The following NR1H3 variants were observed in gnomAD, a reference collection of about 807,000 sequenced individuals.
The protein encoded by NR1H3 is nuclear receptor subfamily 1 group H member 3, also known as oxysterols receptor LXR-alpha.
A neutral mutation model predicts 48.1 loss-of-function variants in NR1H3; 19 were observed. The observed-to-expected ratio is 0.40, with a 90% confidence interval of 0.28 to 0.58. NR1H3 has a LOEUF of 0.58. Among genes scored for constraint, NR1H3 ranks in the 20% least tolerant of loss-of-function variants. NR1H3 has a pLI of 0.50. For synonymous variants in NR1H3, 232 were observed against 227.3 expected, an observed-to-expected ratio of 1.02 and a Z score of -0.19; for missense variants, 486 against 595.9, an observed-to-expected ratio of 0.82 and a Z score of 1.92.
chr11:47,248,445 T>C, upstream of NR1H3: 1 of 1,543,408 alleles, frequency 6.5e-7, no homozygotes, highest in Non-Finnish European at 8.7e-7. Context: ...GGGATGAGTC[T>C]TAACCATTCA....
intron 1 of NR1H3, among the ~76,000 whole-genome samples, chr11:47,251,107 G>A (rs972909048): frequency 6.6e-5 from 10 of 152,162 alleles, no homozygotes; most frequent in Admixed American, 5.2e-4. Context: ...TGCAGTGAGC[G>A]GAGATCGTGC....
At position 47,249,564 on chromosome 11, in the gene NR1H3, T is replaced by TGGGGA. The variant is rs1419724449; in HGVS notation, c.-93+568_-93+572dup. Among the ~76,000 whole-genome samples the TGGGGA allele has an allele frequency of 2.6e-5, 4 of 152,094 alleles. No individual in the cohort carries two copies. In the East Asian group the frequency reaches 7.7e-4, roughly 29 times the overall value. On this transcript the variant is annotated intron_variant, in intron 1 of 8. Transcript: ENST00000395397. ...CCCTGGGGGAGGAATTTCAGACCAGTGGGGAGGTATTTTGAGGTAAGGGAC... is the reference window on the plus strand; with the variant it reads ...CCCTGGGGGAGGAATTTCAGACCAGTGGGGAGGGGAGGTATTTTGAGGTAAGGGAC...
At position 47,268,895 on chromosome 11, in the gene NR1H3, G is replaced by T. The variant is rs1957795310; in HGVS notation, c.*199G>T. ...GTGGAGCCCTCGCTAACACTGTGCT[G>T]TGTCTGAAGATCATGCTGACCCCAC... On this transcript the variant is annotated 3_prime_UTR_variant, in exon 10 of 10. Transcript: ENST00000441012. The T allele has an allele frequency of 4.7e-6, 3 of 633,304 alleles. No homozygotes were observed. Among genetic ancestry groups the T allele is most frequent in the Non-Finnish European group, 8.0e-6 (3 of 374,626 alleles). The allele number at this position is 633,304 out of a possible 1,614,324, so 39.2% of individuals were successfully genotyped here. A position where few individuals can be genotyped will look rare whatever the true frequency, so the allele number is the denominator to read the frequency against.
At chr11:47,255,569 C>A (rs1565178334), upstream of NR1H3, among the ~76,000 whole-genome samples, 2 of 87,988 alleles carry the variant, frequency 2.3e-5, no homozygotes, top group Non-Finnish European at 4.1e-5. Context: ...TTCTTTCTTT[C>A]TTTCTTTCTT....
In NR1H3 at chr11:47,262,994, C is replaced by G. The variant is rs148262329; in HGVS notation, c.988+976C>G. Among the ~76,000 whole-genome samples, 251 of 152,254 alleles carry G rather than the reference C, an allele frequency of 1.6e-3. 2 individuals are homozygous for G. Among genetic ancestry groups the G allele is most frequent in the African/African-American group, 5.9e-3 (247 of 41,550 alleles). ...TTGCTTTAGGTCAGTGGTTTTCAAA[C>G]TGTATTCCAAGGAACCTGAGAGATA... On this transcript the variant is annotated intron_variant, in intron 7 of 9. Transcript: ENST00000441012.
At chr11:47,259,464 A>C in intron 2 of NR1H3, 1 of 1,550,262 alleles carries the variant, frequency 6.5e-7, no homozygotes, top group Non-Finnish European at 8.7e-7. Context: ...AGTCCTCCCC[A>C]GTCTGGATTT....
chr11:47,260,248 T>A, intron 3 of NR1H3, 161 bp from the exon 4 acceptor site: 1 of 1,000,428 alleles, frequency 1.0e-6, no homozygotes, highest in Non-Finnish European at 1.5e-6. Context: ...TAGAACATAA[T>A]GGCACTTGGC....
At chr11:47,266,711 G>A (rs1021800377) in intron 7 of NR1H3, among the ~76,000 whole-genome samples, 1 of 150,076 alleles carries the variant, frequency 6.7e-6, no homozygotes. Context: ...GCGTGATCTC[G>A]GCTTACTGCA....
chr11:47,257,345 A>G (rs956857981), upstream of NR1H3, among the ~76,000 whole-genome samples: 1 of 151,332 alleles, frequency 6.6e-6, no homozygotes, highest in Non-Finnish European at 1.5e-5. Context: ...TGCCACCTCC[A>G]CCCCTATCCC....
upstream of NR1H3, among the ~76,000 whole-genome samples, chr11:47,253,102 G>T (rs1007822950): frequency 9.1e-6 from 1 of 109,388 alleles, no homozygotes; most frequent in East Asian, 4.7e-4. Context: ...GGGACTACAG[G>T]CAGATGCCAC....
chr11:47,256,668 A>AG (rs1180315305), upstream of NR1H3, among the ~76,000 whole-genome samples: 1 of 151,304 alleles, frequency 6.6e-6, no homozygotes, highest in African/African-American at 2.4e-5. Context: ...AAAAAAAAAA[A>AG]AAAGGAATAA....
chr11:47,256,891 C>T (rs866547158), upstream of NR1H3, among the ~76,000 whole-genome samples: 10 of 151,794 alleles, frequency 6.6e-5, no homozygotes, highest in East Asian at 1.9e-4. Context: ...CCACCATGCC[C>T]GGCTAATTTT....
Position 47,261,378 on chromosome 11 carries a change from A to C in NR1H3, c.637A>C (p.Met213Leu). 3 of 1,613,972 alleles carry C rather than the reference A, an allele frequency of 1.9e-6. No homozygotes were observed. Among genetic ancestry groups the C allele is most frequent in the Non-Finnish European group, 2.5e-6 (3 of 1,179,986 alleles). ...LPQLSPEQLG[M>L]IEKLVAAQQQ... is the part of the protein sequence containing the mutation. ...CCAGCTCAGCCCGGAACAACTGGGC[A>C]TGATCGAGAAGCTCGTCGCTGCCCA... Residue 213 changes from methionine (M) to leucine (L), a missense_variant, in exon 5 of 10, where the codon ATG becomes CTG. Met to Leu is a conservative substitution (Grantham distance 15). Coordinates refer to ENST00000441012, the MANE Select transcript of NR1H3 (RefSeq NM_005693.4).
chr11:47,263,172 T>G (rs1336520182), intron 7 of NR1H3, among the ~76,000 whole-genome samples: 1 of 152,178 alleles, frequency 6.6e-6, no homozygotes, highest in African/African-American at 2.4e-5. Context: ...AAAAAAAAGT[T>G]TGAAACTCAG....
intron 7 of NR1H3, among the ~76,000 whole-genome samples, chr11:47,266,333 A>G (rs987256763): frequency 1.3e-5 from 2 of 151,634 alleles, no homozygotes; most frequent in Non-Finnish European, 2.9e-5. Flanking sequence ...GCCCTGCTGA[A>G]AAAGGATTTT....
upstream of NR1H3, chr11:47,257,779 A>G (rs1445935198): frequency 1.3e-6 from 1 of 781,560 alleles, no homozygotes. Flanking sequence ...GCTGGTCTGC[A>G]GGGAAATGCC....
chr11:47,261,516 C>CA (rs1330677985), intron 5 of NR1H3, 31 bp from the exon 6 acceptor site: 1 of 1,611,172 alleles, frequency 6.2e-7, no homozygotes, highest in Non-Finnish European at 8.5e-7. Context: ...ATGTCCGACT[C>CA]AAAGCGCTTT....
At chr11:47,248,901 T>C, upstream of NR1H3, 1 of 1,544,260 alleles carries the variant, frequency 6.5e-7, no homozygotes, top group Non-Finnish European at 8.7e-7. Context: ...CGCCGCCATC[T>C]TACTTAGGGA....
intron 7 of NR1H3, among the ~76,000 whole-genome samples, chr11:47,265,534 G>A (rs751210242): frequency 3.3e-5 from 5 of 152,180 alleles, no homozygotes; most frequent in Non-Finnish European, 7.3e-5. Flanking sequence ...CTCATGTTTT[G>A]TTGCATTTTA....
Sources: gnomAD v4.1 joint callset for allele counts (sites outside exome capture counted in the v4.1 genomes callset) on GRCh38, gnomAD v4.1.1 for gene constraint, MANE v1.5 for transcripts, NCBI Gene and HGNC (gene_info 2026-07-23, HGNC 2026-07-21) for gene names.